SPATS2L: variants seen among roughly 807,000 people sequenced by gnomAD.
SPATS2L encodes SPATS2-like protein.
In SPATS2L, 30 loss-of-function variants were observed where a neutral mutation model predicts 59.6. The ratio of observed to expected loss-of-function variants is 0.50; its 90% confidence interval spans 0.38 to 0.68. SPATS2L has a LOEUF of 0.68. Among genes scored for constraint, SPATS2L ranks in the 30% least tolerant of loss-of-function variants. SPATS2L has a pLI of 0.00. For missense variants in SPATS2L, 615 were observed against 700.0 expected, an observed-to-expected ratio of 0.88 and a Z score of 1.37; for synonymous variants, 252 against 263.5, an observed-to-expected ratio of 0.96 and a Z score of 0.42.
chr2:200,405,392 A>AG (rs1382412908), intron 3 of SPATS2L, among the ~76,000 whole-genome samples: 1 of 151,906 alleles, frequency 6.6e-6, no homozygotes, highest in African/African-American at 2.4e-5. Context: ...AAAAAAAAAA[A>AG]AAGTTAGTTT....
chr2:200,448,399 A>G lies in SPATS2L; in HGVS notation c.788+7615A>G, dbSNP rs373447348. Reference sequence around the variant, plus strand: ...AGAGGTGGCAGTGAGCTGAGATCACACCACCGCACTCCAGCCTGGGTGACA... The same window carrying G: ...AGAGGTGGCAGTGAGCTGAGATCACGCCACCGCACTCCAGCCTGGGTGACA... On this transcript the variant is annotated intron_variant, in intron 8 of 12. Transcript: ENST00000409140. Among the ~76,000 whole-genome samples the G allele has an allele frequency of 3.3e-5, 5 of 152,268 alleles. 1 individual carries two copies. The highest frequency in any genetic ancestry group is 1.9e-4 in the East Asian group (1 of 5,176).
intron 6 of SPATS2L, among the ~76,000 whole-genome samples, chr2:200,429,497 A>G (rs973053656): frequency 2.0e-5 from 3 of 152,206 alleles, no homozygotes; most frequent in Non-Finnish European, 4.4e-5. Flanking sequence ...CAAAGGGCAC[A>G]GACTGAGCTC....
At chr2:200,453,186 C>A (rs2085587122) in intron 8 of SPATS2L, among the ~76,000 whole-genome samples, 1 of 152,156 alleles carries the variant, frequency 6.6e-6, no homozygotes, top group African/African-American at 2.4e-5. Context: ...AGAGATGACA[C>A]CAGTAACCAG....
upstream of SPATS2L, chr2:200,306,626 G>A (rs2079019908): frequency 5.0e-6 from 5 of 992,846 alleles, no homozygotes; most frequent in Non-Finnish European, 6.0e-6. Flanking sequence ...GGGGAAGGCG[G>A]GCGGGTCGGC....
chr2:200,385,983 C>T (rs1283124023), intron 2 of SPATS2L, among the ~76,000 whole-genome samples: 3 of 152,226 alleles, frequency 2.0e-5, no homozygotes, highest in South Asian at 2.1e-4. Flanking sequence ...TGAGCCACCG[C>T]ACCCGGCCAA....
chr2:200,441,290 T>G (rs982149487), intron 8 of SPATS2L, among the ~76,000 whole-genome samples: 13 of 152,228 alleles, frequency 8.5e-5, no homozygotes, highest in Admixed American at 2.0e-4. Context: ...TGCCTTGCCC[T>G]TCCCTGCTAC....
intron 2 of SPATS2L, among the ~76,000 whole-genome samples, chr2:200,340,887 G>C (rs562088458): frequency 1.3e-5 from 2 of 152,262 alleles, no homozygotes; most frequent in East Asian, 3.8e-4. Context: ...ATCCAATTCA[G>C]TGTTTTCTTT....
chr2:200,378,008 G>A (rs2081659212), intron 2 of SPATS2L: 1 of 153,272 alleles, frequency 6.5e-6, no homozygotes, highest in African/African-American at 2.4e-5. Flanking sequence ...CAGTCTTAGA[G>A]CTATACCTTC....
At chr2:200,315,222 T>C (rs1273310057) in intron 1 of SPATS2L, among the ~76,000 whole-genome samples, 4 of 152,114 alleles carry the variant, frequency 2.6e-5, no homozygotes, top group Non-Finnish European at 5.9e-5. Context: ...AGGTATGAAA[T>C]GTTTGGATAA....
At chr2:200,339,278 G>C (rs2080244566) in intron 2 of SPATS2L, among the ~76,000 whole-genome samples, 1 of 152,020 alleles carries the variant, frequency 6.6e-6, no homozygotes, top group Non-Finnish European at 1.5e-5. Flanking sequence ...ATGGAAGTAG[G>C]CCACAATCAT....
At chr2:200,472,682 C>G in intron 11 of SPATS2L, 150 bp from the exon 12 acceptor site, 1 of 666,546 alleles carries the variant, frequency 1.5e-6, no homozygotes, top group Non-Finnish European at 2.6e-6. Context: ...ACCAAGATGC[C>G]CTTTCAAATA....
intron 2 of SPATS2L, among the ~76,000 whole-genome samples, chr2:200,341,395 C>T (rs1313530596): frequency 6.6e-6 from 1 of 152,130 alleles, no homozygotes; most frequent in Non-Finnish European, 1.5e-5. Context: ...TAACACTTAC[C>T]TTACTAAATT....
intron 2 of SPATS2L, among the ~76,000 whole-genome samples, chr2:200,369,990 A>G (rs886870996): frequency 2.6e-4 from 40 of 152,232 alleles, no homozygotes; most frequent in African/African-American, 9.4e-4. Flanking sequence ...AAATGTGAGT[A>G]AGAAGGAACT....
chr2:200,324,518 T>C (rs934241308), intron 1 of SPATS2L, among the ~76,000 whole-genome samples: 2 of 152,238 alleles, frequency 1.3e-5, no homozygotes, highest in Non-Finnish European at 2.9e-5. Context: ...AAAGCTTTCA[T>C]TGAGCTCATC....
chr2:200,381,877 A>T (rs1195897087), intron 2 of SPATS2L, among the ~76,000 whole-genome samples: 5 of 152,180 alleles, frequency 3.3e-5, no homozygotes, highest in African/African-American at 1.2e-4. Context: ...AGACACTTTA[A>T]TTACTCTTAG....
At chr2:200,464,043 ATAT>A (rs2086421518) in intron 9 of SPATS2L, among the ~76,000 whole-genome samples, 1 of 152,244 alleles carries the variant, frequency 6.6e-6, no homozygotes, top group Non-Finnish European at 1.5e-5. Flanking sequence ...TACATACATA[ATAT>A]TAATTAAGTC....
intron 2 of SPATS2L, among the ~76,000 whole-genome samples, chr2:200,359,681 A>AT (rs912111213): frequency 6.6e-6 from 1 of 152,040 alleles, no homozygotes; most frequent in African/African-American, 2.4e-5. Context: ...TGCACCTCCC[A>AT]TTTTCCTTCT....
At chr2:200,404,944 G>T (rs2082645327) in intron 3 of SPATS2L, among the ~76,000 whole-genome samples, 1 of 151,960 alleles carries the variant, frequency 6.6e-6, no homozygotes, top group South Asian at 2.1e-4. Flanking sequence ...AAATTATAAG[G>T]ACCCTTGTGA....
chr2:200,337,434 A>G (rs912989305), intron 2 of SPATS2L, among the ~76,000 whole-genome samples: 2 of 152,192 alleles, frequency 1.3e-5, no homozygotes, highest in East Asian at 1.9e-4. Context: ...TTGTTCTCCT[A>G]ACCCCGAGAT....
Sources: allele counts gnomAD v4.1 joint callset (sites outside exome capture counted in the v4.1 genomes callset), GRCh38; gene constraint gnomAD v4.1.1; transcripts MANE v1.5; gene names NCBI Gene and HGNC (gene_info 2026-07-23, HGNC 2026-07-21).